Variants in KCNK13 observed in about 807,000 individuals in gnomAD.
KCNK13 encodes potassium two pore domain channel subfamily K member 13, also known as potassium channel subfamily K member 13.
In KCNK13, 12 loss-of-function variants were observed where a neutral mutation model predicts 23.4. The ratio of observed to expected loss-of-function variants is 0.51; its 90% CI spans 0.33 to 0.83. The LOEUF (loss-of-function observed/expected upper bound fraction) is 0.83. Ranked by LOEUF, KCNK13 falls within the 40% of genes least tolerant of loss-of-function variation. KCNK13 has a pLI of 0.02. For missense variants in KCNK13, 463 were observed against 556.3 expected, an observed-to-expected ratio of 0.83 and a Z score of 1.69; for synonymous variants, 231 against 229.5, an observed-to-expected ratio of 1.01 and a Z score of -0.06.
intron 1 of KCNK13, among the ~76,000 whole-genome samples, chr14:90,074,310 T>TA (rs1889111957): frequency 6.6e-6 from 1 of 152,254 alleles, no homozygotes; most frequent in African/African-American, 2.4e-5. Flanking sequence ...AAGAACTTGA[T>TA]ATATTTATAT....
intron 1 of KCNK13, among the ~76,000 whole-genome samples, chr14:90,146,123 CT>C (rs905992358): frequency 6.6e-6 from 1 of 152,124 alleles, no homozygotes; most frequent in African/African-American, 2.4e-5. Flanking sequence ...GCAATTTTTG[CT>C]TCAAGTATGT....
At chr14:90,126,291 C>CA (rs976448464) in intron 1 of KCNK13, among the ~76,000 whole-genome samples, 1 of 152,024 alleles carries the variant, frequency 6.6e-6, no homozygotes, top group African/African-American at 2.4e-5. Flanking sequence ...GACTTCCTTC[C>CA]AAAAAGCACA....
intron 1 of KCNK13, among the ~76,000 whole-genome samples, chr14:90,172,261 G>T (rs1890372799): frequency 6.6e-6 from 1 of 150,558 alleles, no homozygotes; most frequent in East Asian, 2.0e-4. Context: ...AGGTTGCAGT[G>T]AGCCGAGATA....
chr14:90,155,595 G>C (rs1292070923), intron 1 of KCNK13, among the ~76,000 whole-genome samples: 1 of 152,188 alleles, frequency 6.6e-6, no homozygotes, highest in East Asian at 1.9e-4. Flanking sequence ...TAGCAGGAAA[G>C]GTGATGAGAA....
At chr14:90,118,906 A>C (rs1737868388) in intron 1 of KCNK13, among the ~76,000 whole-genome samples, 1 of 152,224 alleles carries the variant, frequency 6.6e-6, no homozygotes, top group South Asian at 2.1e-4. Flanking sequence ...TAGACTAATA[A>C]AGAAGAAAAG....
intron 1 of KCNK13, among the ~76,000 whole-genome samples, chr14:90,179,073 T>A (rs1192524535): frequency 6.6e-6 from 1 of 152,186 alleles, no homozygotes; most frequent in Admixed American, 6.5e-5. Flanking sequence ...TCATTAGGTA[T>A]GGTAATGGCA....
Position 90,134,240 on chromosome 14 carries a change from G to T in KCNK13, c.335-49871G>T, listed in dbSNP as rs143984629. On this transcript the variant is annotated intron_variant, in intron 1 of 1. Coordinates refer to ENST00000282146, the MANE Select transcript of KCNK13 (RefSeq NM_022054.4). ...CTATTTTGTGTAGCCTGTGCAGTTGGTAAGATGGGAGACTAGGTCAGAATG... is the reference window on the plus strand; with the variant it reads ...CTATTTTGTGTAGCCTGTGCAGTTGTTAAGATGGGAGACTAGGTCAGAATG... Among the ~76,000 whole-genome samples, 135 of 152,278 alleles carry T rather than the reference G, an allele frequency of 8.9e-4. 1 individual carries two copies. The highest frequency in any genetic ancestry group is 3.2e-3 in the African/African-American group (132 of 41,552).
At chr14:90,153,861 G>T (rs72699127) in intron 1 of KCNK13, among the ~76,000 whole-genome samples, 1 of 152,110 alleles carries the variant, frequency 6.6e-6, no homozygotes, top group Non-Finnish European at 1.5e-5. Flanking sequence ...TCCCAAGAGC[G>T]GTGACACCTG....
intron 1 of KCNK13, among the ~76,000 whole-genome samples, chr14:90,169,762 C>T (rs1423752649): frequency 2.6e-5 from 4 of 152,262 alleles, no homozygotes; most frequent in African/African-American, 9.6e-5. Flanking sequence ...TCTCTCCTTA[C>T]CTTAAGTTTC....
chr14:90,133,085 A>G (rs1889894143), intron 1 of KCNK13, among the ~76,000 whole-genome samples: 1 of 152,210 alleles, frequency 6.6e-6, no homozygotes, highest in African/African-American at 2.4e-5. Flanking sequence ...TTGGCTCCGC[A>G]AAGAGATGTC....
intron 1 of KCNK13, among the ~76,000 whole-genome samples, chr14:90,081,393 T>C (rs1889207671): frequency 6.6e-6 from 1 of 152,204 alleles, no homozygotes. Flanking sequence ...CCCATCCTAC[T>C]CTCCGGAAAT....
At chr14:90,183,676 G>T (rs971324094) in intron 1 of KCNK13, among the ~76,000 whole-genome samples, 3 of 152,178 alleles carry the variant, frequency 2.0e-5, no homozygotes, top group African/African-American at 7.2e-5. Flanking sequence ...CAGAATAAAT[G>T]AATTCTGATG....
intron 1 of KCNK13, among the ~76,000 whole-genome samples, chr14:90,071,600 C>T (rs1012356367): frequency 6.6e-6 from 1 of 152,178 alleles, no homozygotes; most frequent in Admixed American, 6.5e-5. Flanking sequence ...AAAGGACAGT[C>T]CTGGTAGTTG....
chr14:90,088,503 T>G (rs910298074), intron 1 of KCNK13, among the ~76,000 whole-genome samples: 3 of 152,186 alleles, frequency 2.0e-5, no homozygotes, highest in Non-Finnish European at 4.4e-5. Context: ...CCCAGCCAGC[T>G]CCACCTCACT....
chr14:90,151,708 C>G (rs1048587711), intron 1 of KCNK13, among the ~76,000 whole-genome samples: 2 of 152,154 alleles, frequency 1.3e-5, no homozygotes, highest in African/African-American at 4.8e-5. Context: ...TTGCCAAAAC[C>G]AATGTCAAGA....
intron 1 of KCNK13, among the ~76,000 whole-genome samples, chr14:90,077,270 C>A (rs1483377389): frequency 6.6e-6 from 1 of 151,974 alleles, no homozygotes; most frequent in Admixed American, 6.6e-5. Context: ...CAGGCACTCA[C>A]CACCACGCCG....
intron 1 of KCNK13, among the ~76,000 whole-genome samples, chr14:90,134,198 A>G (rs1243478324): frequency 6.6e-6 from 1 of 152,202 alleles, no homozygotes; most frequent in Non-Finnish European, 1.5e-5. Flanking sequence ...CCTGAGCAAC[A>G]GAGTGAGACC....
chr14:90,164,210 T>TG (rs1389401285), intron 1 of KCNK13, among the ~76,000 whole-genome samples: 1 of 152,232 alleles, frequency 6.6e-6, no homozygotes, highest in Non-Finnish European at 1.5e-5. Context: ...ACCCATCCCA[T>TG]GTGTGCCACA....
At chr14:90,141,795 G>T (rs560068210) in intron 1 of KCNK13, among the ~76,000 whole-genome samples, 4 of 882 alleles carry the variant, frequency 4.5e-3, no homozygotes, top group Non-Finnish European at 0.018. Flanking sequence ...TTTGTTTTTT[G>T]GGGGGGGGGA....
Sources: allele counts gnomAD v4.1 joint callset (sites outside exome capture counted in the v4.1 genomes callset), GRCh38; gene constraint gnomAD v4.1.1; transcripts MANE v1.5; gene names NCBI Gene and HGNC (gene_info 2026-07-23, HGNC 2026-07-21).